ANTXR1: variants seen among roughly 807,000 people sequenced by gnomAD.
The protein encoded by ANTXR1 is ANTXR cell adhesion molecule 1.
Under a neutral mutation model 78.1 loss-of-function variants are expected in ANTXR1, and 19 were observed. That is an observed-to-expected ratio of 0.24 (90% confidence interval 0.17 to 0.36). ANTXR1 has a LOEUF of 0.36. Among genes scored for constraint, ANTXR1 ranks in the 10% least tolerant of loss-of-function variants. The pLI, the probability that ANTXR1 is intolerant of heterozygous loss-of-function variation, is 1.00. For synonymous variants in ANTXR1, 273 were observed against 260.5 expected (o/e 1.05, Z -0.46); for missense variants, 518 against 718.6 (o/e 0.72, Z 3.19).
intron 14 of ANTXR1, among the ~76,000 whole-genome samples, chr2:69,175,411 AGCCTGGGTAACATAGGGAGACCG>A (rs1674093816): frequency 3.0e-5 from 4 of 135,194 alleles, no homozygotes; most frequent in African/African-American, 1.6e-4. Flanking sequence ...GTTCGAGACC[AGCCTGGGTAACATAGGGAGACCG>A]CCCCCCGCCC....
intron 10 of ANTXR1, among the ~76,000 whole-genome samples, chr2:69,118,815 T>A (rs1433995942): frequency 3.3e-5 from 5 of 152,126 alleles, no homozygotes; most frequent in Non-Finnish European, 7.4e-5. Context: ...TGACCTGAGT[T>A]ATGGAAACCA....
chr2:69,121,266 C>A (rs1486795164), intron 10 of ANTXR1, among the ~76,000 whole-genome samples: 1 of 151,958 alleles, frequency 6.6e-6, no homozygotes, highest in African/African-American at 2.4e-5. Context: ...GGTACACACT[C>A]AAAGAATTTA....
intron 1 of ANTXR1, among the ~76,000 whole-genome samples, chr2:69,034,075 T>C (rs1316180698): frequency 6.6e-6 from 1 of 152,240 alleles, no homozygotes; most frequent in Non-Finnish European, 1.5e-5. Context: ...CAGAGGGCAG[T>C]GTCAGGTTCC....
chr2:69,103,042 A>G (rs1671678095), intron 10 of ANTXR1, 102 bp downstream of exon 10: 1 of 1,205,230 alleles, frequency 8.3e-7, no homozygotes, highest in Non-Finnish European at 1.2e-6. Flanking sequence ...AAACCAGCAG[A>G]AAAGAGTCTT....
chr2:69,129,364 A>C (rs770305849), intron 12 of ANTXR1, among the ~76,000 whole-genome samples: 14 of 152,222 alleles, frequency 9.2e-5, no homozygotes, highest in Non-Finnish European at 1.5e-4. Flanking sequence ...TCAAGAAATC[A>C]ATCAAGTATG....
rs866733412 is a variant in ANTXR1 at position 69,122,975 on chromosome 2, A to G, written c.803-42A>G. The G allele has an allele frequency of 2.5e-6, 4 of 1,594,506 alleles. No homozygotes were observed. The African/African-American group carries it at 5.4e-5, about 21-fold the overall frequency. On this transcript the variant is annotated intron_variant, in intron 10 of 17. Transcript: ENST00000303714. ...GAAGTCATTGAATTTGAAATTATAA[A>G]CTCACCTCCCTCTTCTTAATCCAGT...
chr2:69,166,483 A>C (rs1673831321), intron 13 of ANTXR1, among the ~76,000 whole-genome samples: 2 of 152,164 alleles, frequency 1.3e-5, no homozygotes, highest in Admixed American at 1.3e-4. Context: ...TAGGGCAGCT[A>C]TCCCAAGGAG....
intron 1 of ANTXR1, among the ~76,000 whole-genome samples, chr2:69,024,086 T>C (rs1239463437): frequency 6.6e-6 from 1 of 152,122 alleles, no homozygotes; most frequent in Non-Finnish European, 1.5e-5. Context: ...AGGAAAAAAA[T>C]AATAAATGAG....
At chr2:69,058,621 G>T (rs576625209) in intron 3 of ANTXR1, among the ~76,000 whole-genome samples, 1 of 152,282 alleles carries the variant, frequency 6.6e-6, no homozygotes, top group Non-Finnish European at 1.5e-5. Flanking sequence ...TGTACAAGGA[G>T]ATTAATGTCA....
intron 13 of ANTXR1, among the ~76,000 whole-genome samples, chr2:69,156,536 G>A (rs1012935642): frequency 2.6e-5 from 4 of 152,182 alleles, no homozygotes; most frequent in African/African-American, 9.7e-5. Context: ...AAAGAAAAGA[G>A]GTTCAATTGG....
intron 9 of ANTXR1, among the ~76,000 whole-genome samples, chr2:69,097,795 T>C (rs748112190): frequency 3.9e-5 from 6 of 152,248 alleles, no homozygotes; most frequent in Non-Finnish European, 7.3e-5. Context: ...CAAATGTTCA[T>C]AGCAGCTCCA....
chr2:69,226,472 G>A (rs773677187), intron 17 of ANTXR1, among the ~76,000 whole-genome samples: 4 of 152,118 alleles, frequency 2.6e-5, no homozygotes, highest in Admixed American at 1.3e-4. Context: ...CTCATCAAGC[G>A]GTAGGAAATG....
rs1676075251 is a variant in ANTXR1 at position 69,248,811 on chromosome 2, T to A, written c.*3326T>A. On this transcript the variant is annotated 3_prime_UTR_variant, in exon 18 of 18. Transcript: ENST00000303714. ...TTAATGCTGTGTAAAATGGTTGAAT[T>A]AGTTTGCAAACTATATAAAGACATA... 1 of 152,268 alleles carries A rather than the reference T, an allele frequency of 6.6e-6. No homozygotes were observed. Among genetic ancestry groups the A allele is most frequent in the African/African-American group, 2.4e-5 (1 of 41,478 alleles). The allele number at this position is 152,268 out of a possible 1,614,324, so 9.4% of individuals were successfully genotyped here.
intron 13 of ANTXR1, among the ~76,000 whole-genome samples, chr2:69,155,312 A>G (rs1673493361): frequency 6.6e-6 from 1 of 152,210 alleles, no homozygotes; most frequent in Non-Finnish European, 1.5e-5. Context: ...TAAGATTCCT[A>G]TACCTATTCA....
intron 13 of ANTXR1, 45 bp from the exon 14 acceptor site, chr2:69,170,203 G>A: frequency 6.2e-7 from 1 of 1,611,414 alleles, no homozygotes; most frequent in Non-Finnish European, 8.5e-7. Flanking sequence ...TAGGAGGCAG[G>A]TAGCCAGAGA....
chr2:69,124,750 C>G lies in ANTXR1; in HGVS notation c.951+107C>G, dbSNP rs187501456. On this transcript the variant is annotated intron_variant, in intron 12 of 17. Transcript: ENST00000303714. ...AGGTACCCTGGAAAGTTTTTTGGTT[C>G]TTCGTTCTGCTTGCTGAGCTTTGAT... The G allele has an allele frequency of 2.0e-4, 228 of 1,135,774 alleles. 2 individuals carry two copies. In the East Asian group the frequency reaches 5.2e-3, roughly 26 times the overall value. The allele number at this position is 1,135,774 out of a possible 1,614,324, so 70.4% of individuals were successfully genotyped here. A position where few individuals can be genotyped will look rare whatever the true frequency, so the allele number is the denominator to read the frequency against.
chr2:69,041,413 A>T (rs1393252918), intron 2 of ANTXR1, among the ~76,000 whole-genome samples: 1 of 152,126 alleles, frequency 6.6e-6, no homozygotes, highest in East Asian at 1.9e-4. Flanking sequence ...GGTCCTTTGG[A>T]GTGATATAAA....
intron 17 of ANTXR1, among the ~76,000 whole-genome samples, chr2:69,228,966 G>T (rs557477124): frequency 6.6e-6 from 1 of 152,268 alleles, no homozygotes; most frequent in African/African-American, 2.4e-5. Context: ...ATCAGGTTCT[G>T]GTGAGGCCCC....
chr2:69,013,464 G>A lies in ANTXR1; in HGVS notation c.-36G>A. 3 of 1,581,256 alleles carry A rather than the reference G, an allele frequency of 1.9e-6. No individual in the cohort carries two copies. The highest frequency in any genetic ancestry group is 2.6e-6 in the Non-Finnish European group (3 of 1,165,996). On this transcript the variant is annotated 5_prime_UTR_variant, in exon 1 of 18. Coordinates refer to ENST00000303714, the MANE Select transcript of ANTXR1 (RefSeq NM_032208.3). This position sits in a 1 kb window ranked among gnomAD's most constrained non-coding sequence, Gnocchi z 5.0. ...GTCGTGGCGAGTTCGCGGAGCGTGGGAAGGAGCGGACCCTGCTCTCCCCGG... is the reference window on the plus strand; with the variant it reads ...GTCGTGGCGAGTTCGCGGAGCGTGGAAAGGAGCGGACCCTGCTCTCCCCGG...
Sources: gnomAD v4.1 joint callset for allele counts (sites outside exome capture counted in the v4.1 genomes callset) on GRCh38, gnomAD v4.1.1 for gene constraint, Gnocchi (gnomAD v3.1) non-coding constraint, MANE v1.5 for transcripts, NCBI Gene and HGNC (gene_info 2026-07-23, HGNC 2026-07-21) for gene names.